The following PTPRM variants were observed in gnomAD, a reference collection of about 807,000 sequenced individuals.
PTPRM encodes the protein protein tyrosine phosphatase receptor type M, also known as receptor-type tyrosine-protein phosphatase mu.
PTPRM carries 47 observed loss-of-function variants against 186.7 expected under a neutral mutation model. That is an observed-to-expected ratio of 0.25 (90% CI 0.20 to 0.32). The LOEUF (loss-of-function observed/expected upper bound fraction) is 0.32, where lower values mean the gene tolerates loss of function less well. Among genes scored for constraint, PTPRM ranks in the 10% least tolerant of loss-of-function variants. PTPRM has a pLI of 1.00. For missense variants in PTPRM, 1,494 were observed against 1,865.0 expected (o/e 0.80, Z 3.66); for synonymous variants, 668 against 674.9 (o/e 0.99, Z 0.16).
intron 2 of PTPRM, among the ~76,000 whole-genome samples, chr18:7,881,600 C>T (rs1382373193): frequency 6.6e-6 from 1 of 152,190 alleles, no homozygotes; most frequent in Admixed American, 6.5e-5. Flanking sequence ...AGTGGGTTCA[C>T]CCTGCTCTCT....
At chr18:7,772,347 TTCTCTTTCTTTCTTTCTTTCTTTC>T (rs2042323371) in intron 1 of PTPRM, among the ~76,000 whole-genome samples, 1 of 115,698 alleles carries the variant, frequency 8.6e-6, no homozygotes, top group Non-Finnish European at 1.9e-5. Flanking sequence ...CTTTCTTTCT[TTCTCTTTCTTTCTTTCTTTCTTTC>T]TTTCTTTCTT....
intron 2 of PTPRM, among the ~76,000 whole-genome samples, chr18:7,845,957 A>G (rs570865419): frequency 6.6e-6 from 1 of 151,994 alleles, no homozygotes; most frequent in Non-Finnish European, 1.5e-5. Flanking sequence ...GCCTCTGCTG[A>G]CCCTATTTGA....
chr18:7,936,546 A>T (rs2051823833), intron 5 of PTPRM, among the ~76,000 whole-genome samples: 1 of 152,080 alleles, frequency 6.6e-6, no homozygotes, highest in Non-Finnish European at 1.5e-5. Context: ...CAAGCATGGG[A>T]GGAAGGCTGA....
intron 1 of PTPRM, among the ~76,000 whole-genome samples, chr18:7,772,325 G>A (rs542448015): frequency 1.2e-4 from 10 of 84,706 alleles, no homozygotes; most frequent in South Asian, 1.0e-3. Flanking sequence ...TCCTCCCTTC[G>A]TTCTTTCTTT....
chr18:8,240,654 A>AG (rs1491416636), intron 14 of PTPRM, among the ~76,000 whole-genome samples: 39 of 14,332 alleles, frequency 2.7e-3, no homozygotes, highest in South Asian at 0.012. Flanking sequence ...AGAGAGAGAG[A>AG]AAGAAAGAAA....
At chr18:7,905,949 C>T (rs1253678027) in intron 3 of PTPRM, among the ~76,000 whole-genome samples, 2 of 152,154 alleles carry the variant, frequency 1.3e-5, no homozygotes, top group Non-Finnish European at 1.5e-5. Context: ...GGAAAACAAC[C>T]ACAATCCAAA....
At chr18:8,020,086 A>G (rs2085115755) in intron 7 of PTPRM, among the ~76,000 whole-genome samples, 1 of 152,168 alleles carries the variant, frequency 6.6e-6, no homozygotes, top group East Asian at 1.9e-4. Flanking sequence ...TGAATCAGTC[A>G]TTTATCATTA....
chr18:7,804,908 A>G (rs1028575687), intron 2 of PTPRM, among the ~76,000 whole-genome samples: 1 of 152,316 alleles, frequency 6.6e-6, no homozygotes, highest in South Asian at 2.1e-4. Flanking sequence ...GACATTGAGT[A>G]CGTAATGACA....
intron 13 of PTPRM, among the ~76,000 whole-genome samples, chr18:8,118,799 C>CAAAAAA (rs71354599): frequency 4.2e-5 from 5 of 119,392 alleles, no homozygotes; most frequent in African/African-American, 1.7e-4. Flanking sequence ...CATTCCATCT[C>CAAAAAA]AAAAAAAAAA....
At chr18:8,106,877 C>A (rs1373661353) in intron 11 of PTPRM, among the ~76,000 whole-genome samples, 1 of 152,154 alleles carries the variant, frequency 6.6e-6, no homozygotes, top group Admixed American at 6.5e-5. Context: ...CTCATCAGCA[C>A]CCCCTTGGGC....
At chr18:7,897,764 G>A (rs1469177892) in intron 3 of PTPRM, among the ~76,000 whole-genome samples, 1 of 151,950 alleles carries the variant, frequency 6.6e-6, no homozygotes, top group Non-Finnish European at 1.5e-5. Flanking sequence ...TATCAACCCT[G>A]TTCTTTATGA....
chr18:8,079,624 C>T (rs1450328475), intron 9 of PTPRM, among the ~76,000 whole-genome samples: 1 of 151,984 alleles, frequency 6.6e-6, no homozygotes, highest in Admixed American at 6.6e-5. Context: ...ATGAGACTCC[C>T]ACCTCACATC....
At chr18:8,151,530 T>C (rs1309321417) in intron 14 of PTPRM, among the ~76,000 whole-genome samples, 4 of 116,922 alleles carry the variant, frequency 3.4e-5, no homozygotes, top group Non-Finnish European at 4.9e-5. Flanking sequence ...AGACTACTGC[T>C]GTGCTGGCTG....
At chr18:7,658,351 T>TATATATATATATATATATATATAC (rs1296978439) in intron 1 of PTPRM, among the ~76,000 whole-genome samples, 8 of 133,830 alleles carry the variant, frequency 6.0e-5, no homozygotes, top group African/African-American at 2.5e-4. Flanking sequence ...TATATATATA[T>TATATATATATATATATATATATAC]ATATATATAC....
intron 1 of PTPRM, among the ~76,000 whole-genome samples, chr18:7,657,523 T>G (rs1447920198): frequency 6.6e-6 from 1 of 152,228 alleles, no homozygotes; most frequent in East Asian, 1.9e-4. Context: ...TGTTTGCATC[T>G]TATTTTCTAT....
At chr18:8,354,987 T>A (rs2095556062) in intron 23 of PTPRM, among the ~76,000 whole-genome samples, 1 of 152,058 alleles carries the variant, frequency 6.6e-6, no homozygotes, top group Non-Finnish European at 1.5e-5. Flanking sequence ...GAAAAGAAGA[T>A]GTAATTGCCT....
Position 8,253,156 on chromosome 18 carries a change from T to C in PTPRM, c.2567-71T>C, listed in dbSNP as rs182933697. ...TGAGGGGATGCCAGGAGCCAGCTTC[T>C]TAGCATTCTCAGTGATGCCGACCTA... On this transcript the variant is annotated intron_variant, in intron 18 of 32. Transcript: ENST00000580170. 8,747 of 1,237,598 alleles carry C rather than the reference T, an allele frequency of 7.1e-3. 52 individuals are homozygous for C. The highest frequency in any genetic ancestry group is 8.3e-3 in the Non-Finnish European group (7,918 of 954,616). The allele number at this position is 1,237,598 out of a possible 1,614,324, so 76.7% of individuals were successfully genotyped here.
At chr18:8,035,575 G>GT (rs1161765911) in intron 7 of PTPRM, among the ~76,000 whole-genome samples, 1 of 151,892 alleles carries the variant, frequency 6.6e-6, no homozygotes, top group Non-Finnish European at 1.5e-5. Flanking sequence ...TATTTTTATT[G>GT]TTTTTTTCCC....
intron 3 of PTPRM, among the ~76,000 whole-genome samples, chr18:7,894,030 CAAAA>C (rs540976027): frequency 3.1e-4 from 47 of 151,996 alleles, no homozygotes; most frequent in African/African-American, 9.9e-4. Flanking sequence ...AACAAACAAA[CAAAA>C]AAACAATAAG....
Sources: gnomAD v4.1 joint callset for allele counts (sites outside exome capture counted in the v4.1 genomes callset) on GRCh38, gnomAD v4.1.1 for gene constraint, MANE v1.5 for transcripts, NCBI Gene and HGNC (gene_info 2026-07-23, HGNC 2026-07-21) for gene names.